Variants in TXLNB observed in about 807,000 individuals in gnomAD.
TXLNB encodes the protein beta-taxilin.
In TXLNB, 37 loss-of-function variants were observed where a neutral mutation model predicts 57.4. The observed-to-expected ratio is 0.64, with a 90% CI of 0.50 to 0.85. The LOEUF (loss-of-function observed/expected upper bound fraction) is 0.85. TXLNB is among the 40% of genes least tolerant of loss of function. The pLI, the probability that TXLNB is intolerant of heterozygous loss-of-function variation, is 0.00. For missense variants in TXLNB, 848 were observed against 825.6 expected (o/e 1.03, Z -0.33); for synonymous variants, 302 against 309.6 (o/e 0.98, Z 0.26).
At chr6:139,269,060 C>T (rs1201115804) in intron 4 of TXLNB, 1 of 152,136 alleles carries the variant, frequency 6.6e-6, no homozygotes, top group Non-Finnish European at 1.5e-5. Flanking sequence ...CCACACTCAG[C>T]TAATTTTCCT....
chr6:139,254,975 C>T lies in TXLNB; in HGVS notation c.1077+589G>A, dbSNP rs148384433. 7.9e-5 allele frequency among the ~76,000 whole-genome samples: 12 copies of T among 152,214 alleles called. No individual in the cohort carries two copies. The South Asian group carries it at 1.9e-3, about 24-fold the overall frequency. On this transcript the variant is annotated intron_variant, in intron 7 of 9. Coordinates refer to ENST00000358430, the MANE Select transcript of TXLNB (RefSeq NM_153235.4). ...CTGGGATTACAGGCACATGCTACCA[C>T]GCCTGGCTAATGTTTATATATTTTT...
At chr6:139,320,006 A>G in the TXLNB span, among the ~76,000 whole-genome samples, 2 of 152,182 alleles carry the variant, frequency 1.3e-5, no homozygotes, top group African/African-American at 4.8e-5. Flanking sequence ...ATATATAAAT[A>G]ACTGAAATAT....
intron 1 of TXLNB, 114 bp from the exon 2 acceptor site, chr6:139,289,027 A>T: frequency 1.3e-6 from 1 of 758,984 alleles, no homozygotes. Flanking sequence ...ATAGTCTCTA[A>T]CGTAGAGAAA....
intron 7 of TXLNB, among the ~76,000 whole-genome samples, chr6:139,253,545 C>T (rs1440176341): frequency 6.6e-6 from 1 of 151,988 alleles, no homozygotes; most frequent in African/African-American, 2.4e-5. Flanking sequence ...GTGGGTTACA[C>T]AGGGTCACAC....
chr6:139,209,421 A>C, the TXLNB span, among the ~76,000 whole-genome samples: 1 of 152,290 alleles, frequency 6.6e-6, no homozygotes, highest in East Asian at 1.9e-4. Context: ...CTATCATCCT[A>C]CTTCACAGAA....
chr6:139,187,711 A>G, the TXLNB span, among the ~76,000 whole-genome samples: 1 of 152,176 alleles, frequency 6.6e-6, no homozygotes, highest in African/African-American at 2.4e-5. Flanking sequence ...AGCTGCCAGC[A>G]TTCATCTGGC....
intron 6 of TXLNB, among the ~76,000 whole-genome samples, chr6:139,259,935 A>G (rs1776437923): frequency 6.6e-6 from 1 of 152,122 alleles, no homozygotes; most frequent in Non-Finnish European, 1.5e-5. Context: ...TATAAAAACA[A>G]CTTGCGTCCA....
the TXLNB span, among the ~76,000 whole-genome samples, chr6:139,194,781 C>G: frequency 6.6e-6 from 1 of 152,316 alleles, no homozygotes; most frequent in Middle Eastern, 3.4e-3. Flanking sequence ...AAATGGCCAA[C>G]AAGAATCTAA....
intron 3 of TXLNB, 124 bp downstream of exon 3, chr6:139,276,706 C>T: frequency 2.8e-6 from 2 of 716,574 alleles, no homozygotes; most frequent in Admixed American, 5.8e-5. Context: ...AGGGTTAGCG[C>T]ACAGACCTCA....
At chr6:139,257,298 A>C (rs1216944200) in intron 6 of TXLNB, among the ~76,000 whole-genome samples, 1 of 152,058 alleles carries the variant, frequency 6.6e-6, no homozygotes, top group Admixed American at 6.6e-5. Context: ...CCAGTCTTTT[A>C]TAGCTACTCA....
chr6:139,195,113 T>C, the TXLNB span, among the ~76,000 whole-genome samples: 1 of 152,224 alleles, frequency 6.6e-6, no homozygotes, highest in Non-Finnish European at 1.5e-5. Context: ...CCCTTTCCAA[T>C]GCCTGGAGGC....
chr6:139,279,027 C>T (rs1050152539), intron 2 of TXLNB, among the ~76,000 whole-genome samples: 9 of 152,260 alleles, frequency 5.9e-5, no homozygotes, highest in Middle Eastern at 3.4e-3. Flanking sequence ...AGCTCAAACT[C>T]GTATCATGTG....
At chr6:139,319,717 T>C in the TXLNB span, among the ~76,000 whole-genome samples, 4 of 152,198 alleles carry the variant, frequency 2.6e-5, no homozygotes, top group East Asian at 3.9e-4. Flanking sequence ...TGAGCCATGA[T>C]TGTGCCATCT....
intron 6 of TXLNB, among the ~76,000 whole-genome samples, chr6:139,255,896 G>A (rs1776324675): frequency 6.6e-6 from 1 of 151,346 alleles, no homozygotes. Context: ...GGGCTATATA[G>A]GGAGACCTTG....
intron 7 of TXLNB, among the ~76,000 whole-genome samples, chr6:139,252,692 A>G (rs1442166439): frequency 6.6e-6 from 1 of 152,084 alleles, no homozygotes; most frequent in Admixed American, 6.6e-5. Flanking sequence ...ACTTTTTTGC[A>G]ACTTAAGACT....
the TXLNB span, among the ~76,000 whole-genome samples, chr6:139,215,773 T>A: frequency 6.6e-6 from 1 of 152,026 alleles, no homozygotes; most frequent in Admixed American, 6.6e-5. Flanking sequence ...CTCAAACAAA[T>A]TTACAAGAAA....
At chr6:139,292,069 C>T (rs189022030), upstream of TXLNB, 334 of 142,346 alleles carry the variant, frequency 2.3e-3, 13 homozygotes, top group East Asian at 0.054. This position sits in a 1 kb window ranked among gnomAD's most constrained non-coding sequence, Gnocchi z 4.0. Context: ...CACATACACA[C>T]GTGCACGCAC....
the TXLNB span, among the ~76,000 whole-genome samples, chr6:139,215,200 A>G: frequency 6.6e-6 from 1 of 152,196 alleles, no homozygotes; most frequent in African/African-American, 2.4e-5. Flanking sequence ...ACAAAGCTGG[A>G]GGCATCACGC....
chr6:139,289,651 A>T (rs529996744), intron 1 of TXLNB, among the ~76,000 whole-genome samples: 3 of 152,318 alleles, frequency 2.0e-5, no homozygotes, highest in Admixed American at 2.0e-4. Context: ...TTAAGAAAGT[A>T]ATTCATGCTA....
Sources: allele counts gnomAD v4.1 joint callset (sites outside exome capture counted in the v4.1 genomes callset), GRCh38; gene constraint gnomAD v4.1.1; non-coding constraint Gnocchi (gnomAD v3.1); transcripts MANE v1.5; gene names NCBI Gene and HGNC (gene_info 2026-07-23, HGNC 2026-07-21).